Variants in COL26A1 observed in about 807,000 individuals in gnomAD.
COL26A1 encodes the protein collagen type XXVI alpha 1 chain, also known as collagen alpha-1(XXVI) chain.
COL26A1 carries 41 observed loss-of-function variants against 59.3 expected under a neutral mutation model. The observed-to-expected ratio is 0.69, with a 90% CI of 0.54 to 0.90. COL26A1 has a LOEUF of 0.90. COL26A1 is among the 40% of genes least tolerant of loss of function. The pLI, the probability that COL26A1 is intolerant of heterozygous loss-of-function variation, is 0.00. For missense variants in COL26A1, 612 were observed against 602.3 expected (o/e 1.02, Z -0.17); for synonymous variants, 266 against 256.0 (o/e 1.04, Z -0.37).
intron 4 of COL26A1, among the ~76,000 whole-genome samples, chr7:101,535,284 C>T (rs961328702): frequency 2.6e-4 from 40 of 152,158 alleles, no homozygotes; most frequent in African/African-American, 2.7e-4. Context: ...GATGTTGAGC[C>T]GGTAAGCTTC....
At chr7:101,516,468 C>T (rs1563022591) in intron 3 of COL26A1, among the ~76,000 whole-genome samples, 2 of 151,990 alleles carry the variant, frequency 1.3e-5, no homozygotes, top group Non-Finnish European at 2.9e-5. Context: ...GATGGGGTCT[C>T]ACTAGGTTGC....
chr7:101,534,203 G>A (rs992145051), intron 4 of COL26A1, among the ~76,000 whole-genome samples: 1 of 152,208 alleles, frequency 6.6e-6, no homozygotes, highest in East Asian at 1.9e-4. Flanking sequence ...TGAGCCTGAG[G>A]CAGAGCTCTC....
chr7:101,458,061 A>G (rs766589914), intron 3 of COL26A1, among the ~76,000 whole-genome samples: 36 of 151,772 alleles, frequency 2.4e-4, no homozygotes, highest in Non-Finnish European at 1.9e-4. Context: ...CACACCTGGC[A>G]AATTTTGTAT....
At chr7:101,419,934 C>T in intron 1 of COL26A1, 43 bp from the exon 2 acceptor site, 1 of 1,602,582 alleles carries the variant, frequency 6.2e-7, no homozygotes, top group Non-Finnish European at 8.5e-7. Flanking sequence ...GTTGGCAGCT[C>T]TGGGAACAGG....
chr7:101,490,679 T>C (rs2410850), intron 3 of COL26A1, among the ~76,000 whole-genome samples: 92,772 of 150,198 alleles, frequency 0.62, 31,051 homozygotes, highest in African/African-American at 0.9. Context: ...CCAGCCTGGG[T>C]AACACAGTGA....
chr7:101,504,763 C>T (rs545855668), intron 3 of COL26A1, among the ~76,000 whole-genome samples: 3 of 152,278 alleles, frequency 2.0e-5, no homozygotes, highest in East Asian at 1.9e-4. Context: ...CCACCGTCAC[C>T]GGCCATGAAA....
chr7:101,550,540 G>T (rs974653124), intron 9 of COL26A1, among the ~76,000 whole-genome samples: 1 of 152,214 alleles, frequency 6.6e-6, no homozygotes, highest in Non-Finnish European at 1.5e-5. Flanking sequence ...GAATAAGTCT[G>T]GTGAGAAGGG....
intron 3 of COL26A1, among the ~76,000 whole-genome samples, chr7:101,528,600 T>C (rs1795298867): frequency 6.6e-6 from 1 of 151,868 alleles, no homozygotes; most frequent in South Asian, 2.1e-4. Flanking sequence ...CAAACTGTAG[T>C]GCAGTGGCGC....
chr7:101,540,586 C>G (rs1795594357), intron 5 of COL26A1, among the ~76,000 whole-genome samples: 1 of 150,954 alleles, frequency 6.6e-6, no homozygotes, highest in Admixed American at 6.6e-5. Flanking sequence ...TAGTGGCTCA[C>G]TCATGCTTGT....
In COL26A1 at chr7:101,466,831, TGTGTGTGAGA is replaced by T. The variant is rs1331310005; in HGVS notation, c.385+19046_385+19055del. 6.0e-3 allele frequency among the ~76,000 whole-genome samples: 707 copies of T among 117,920 alleles called. 1 individual carries two copies. Among genetic ancestry groups the T allele is most frequent in the African/African-American group, 0.017 (497 of 29,146 alleles). 77.4% of individuals were successfully genotyped at this position (117,920 alleles called of 152,430 possible). A position where few individuals can be genotyped will look rare whatever the true frequency, so the allele number is the denominator to read the frequency against. ...GTGTGTGTGTGTGTGTGTGTGTGTG[TGTGTGTGAGA>T]GAGAGAGATTCAGTCTCTGCCTTTT... is the stretch of plus-strand genomic sequence containing the variant. On this transcript the variant is annotated intron_variant, in intron 3 of 12. Transcript: ENST00000313669.
chr7:101,386,447 G>T (rs1791579583), intron 1 of COL26A1, among the ~76,000 whole-genome samples: 1 of 152,068 alleles, frequency 6.6e-6, no homozygotes. Context: ...TTGAGATAGG[G>T]TTTCACTCTG....
chr7:101,469,769 C>T (rs1584435702), intron 3 of COL26A1, among the ~76,000 whole-genome samples: 1 of 152,022 alleles, frequency 6.6e-6, no homozygotes, highest in South Asian at 2.1e-4. Context: ...GGATTACAGG[C>T]GTGAACCACC....
chr7:101,482,071 C>T (rs376849586), intron 3 of COL26A1, among the ~76,000 whole-genome samples: 10 of 151,534 alleles, frequency 6.6e-5, no homozygotes, highest in African/African-American at 2.4e-4. Flanking sequence ...GGCTGGAGTG[C>T]AGTGGCATGA....
At chr7:101,527,202 C>A (rs574277776) in intron 3 of COL26A1, among the ~76,000 whole-genome samples, 1 of 152,240 alleles carries the variant, frequency 6.6e-6, no homozygotes, top group Admixed American at 6.5e-5. Context: ...AACTCCTGGG[C>A]CCAAGCGATC....
At chr7:101,517,620 T>C (rs1224474960) in intron 3 of COL26A1, among the ~76,000 whole-genome samples, 1 of 151,880 alleles carries the variant, frequency 6.6e-6, no homozygotes, top group Non-Finnish European at 1.5e-5. Context: ...TCCCACTGGG[T>C]CCCTCCCACA....
chr7:101,369,893 G>T (rs565740344), intron 1 of COL26A1, among the ~76,000 whole-genome samples: 1 of 151,376 alleles, frequency 6.6e-6, no homozygotes, highest in Non-Finnish European at 1.5e-5. Context: ...ATGGAGTTTC[G>T]CTCTTGTTGC....
At chr7:101,530,372 C>T (rs1562791357) in intron 3 of COL26A1, among the ~76,000 whole-genome samples, 1 of 151,610 alleles carries the variant, frequency 6.6e-6, no homozygotes, top group Admixed American at 6.6e-5. Context: ...AGTTCGAGAC[C>T]AGCCTGGGCA....
chr7:101,498,118 G>A (rs774640586), intron 3 of COL26A1, among the ~76,000 whole-genome samples: 1 of 152,202 alleles, frequency 6.6e-6, no homozygotes, highest in Non-Finnish European at 1.5e-5. Flanking sequence ...TGAAGCAGAG[G>A]ATGGCTTCTT....
At chr7:101,535,981 C>T (rs892830370) in intron 4 of COL26A1, among the ~76,000 whole-genome samples, 11 of 152,154 alleles carry the variant, frequency 7.2e-5, no homozygotes, top group East Asian at 1.9e-4. Flanking sequence ...ACCTTCTGGC[C>T]GCCCACCTGC....
Sources: gnomAD v4.1 joint callset for allele counts (sites outside exome capture counted in the v4.1 genomes callset) on GRCh38, gnomAD v4.1.1 for gene constraint, MANE v1.5 for transcripts, NCBI Gene and HGNC (gene_info 2026-07-23, HGNC 2026-07-21) for gene names.